Variants in GABRG2 observed in about 807,000 individuals in gnomAD.
The protein encoded by GABRG2 is gamma-aminobutyric acid type A receptor subunit gamma2.
In GABRG2, 16 loss-of-function variants were observed where a neutral mutation model predicts 56.4. That is an observed-to-expected ratio of 0.28 (90% CI 0.19 to 0.43). GABRG2 has a LOEUF of 0.43. Among genes scored for constraint, GABRG2 ranks in the 20% least tolerant of loss-of-function variants. The probability of loss-of-function intolerance (pLI) is 1.00; values close to 1 mark genes in which losing one functional copy is unlikely to be tolerated. For synonymous variants in GABRG2, 208 were observed against 205.5 expected (o/e 1.01, Z -0.10); for missense variants, 327 against 582.7 (o/e 0.56, Z 4.52).
At chr5:162,116,323 C>T (rs1197506625) in intron 6 of GABRG2, among the ~76,000 whole-genome samples, 1 of 150,338 alleles carries the variant, frequency 6.7e-6, no homozygotes, top group Non-Finnish European at 1.5e-5. Flanking sequence ...TATTGGTCAG[C>T]TTAATCTAGA....
At chr5:162,074,689 AC>A (rs1287963364) in intron 1 of GABRG2, among the ~76,000 whole-genome samples, 1 of 152,088 alleles carries the variant, frequency 6.6e-6, no homozygotes, top group Non-Finnish European at 1.5e-5. Flanking sequence ...CACTTGAGAT[AC>A]ATAATTGAGG....
rs1469287853 is a variant in GABRG2 at position 162,142,211 on chromosome 5, G to C, written c.817G>C (p.Gly273Arg). The change falls in exon 7 of 10, where the codon GGA (glycine) becomes CGA (arginine). Residue 273 changes from glycine (G) to arginine (R), a missense_variant. Transcript: ENST00000639213. ...CTACTTTGATCTGAGCAGAAGAATG[G>C]GATACTTTACCATCCAGACCTATAT... is the stretch of plus-strand genomic sequence containing the variant. ...SVYFDLSRRM[G>R]YFTIQTYIPC... 6.2e-7 allele frequency: 1 copy of C among 1,613,840 alleles called. No homozygotes were observed. Among genetic ancestry groups the C allele is most frequent in the African/African-American group, 1.3e-5 (1 of 74,864 alleles).
intron 6 of GABRG2, among the ~76,000 whole-genome samples, chr5:162,115,862 A>C (rs1012536461): frequency 2.6e-5 from 4 of 152,162 alleles, no homozygotes; most frequent in African/African-American, 9.7e-5. Context: ...AATGATAATA[A>C]TGACAATATG....
At chr5:162,092,112 G>A (rs564381390) in intron 1 of GABRG2, among the ~76,000 whole-genome samples, 9 of 152,056 alleles carry the variant, frequency 5.9e-5, no homozygotes, top group Non-Finnish European at 1.2e-4. Context: ...GAGGATTAAA[G>A]CTCTATTAGG....
At position 162,153,630 on chromosome 5, in the gene GABRG2, A is replaced by T. The variant is rs1342253384; in HGVS notation, c.*262A>T. The T allele has an allele frequency of 1.8e-6, 1 of 554,110 alleles. No individual in the cohort carries two copies. Among genetic ancestry groups the T allele is most frequent in the Admixed American group, 3.1e-5 (1 of 32,350 alleles). The allele number at this position is 554,110 out of a possible 1,614,324, so 34.3% of individuals were successfully genotyped here. A position where few individuals can be genotyped will look rare whatever the true frequency, so the allele number is the denominator to read the frequency against. On this transcript the variant is annotated 3_prime_UTR_variant, in exon 10 of 10. Coordinates refer to ENST00000639213, the MANE Select transcript of GABRG2 (RefSeq NM_198904.4). ...AGCAAGAACATTCAAACCAAATAAG[A>T]TATTTTTCAGCTACAGCAAATAAAA...
At chr5:162,100,987 C>G in intron 4 of GABRG2, among the ~76,000 whole-genome samples, 1 of 152,076 alleles carries the variant, frequency 6.6e-6, no homozygotes, top group East Asian at 1.9e-4. Flanking sequence ...CTTAAGTGAT[C>G]ATAAATTTTC....
At chr5:162,100,022 G>A (rs990620264) in intron 4 of GABRG2, 7 of 151,976 alleles carry the variant, frequency 4.6e-5, no homozygotes, top group Non-Finnish European at 8.8e-5. Context: ...TCTTCCCTTT[G>A]AAGAGCATAT....
intron 6 of GABRG2, among the ~76,000 whole-genome samples, chr5:162,109,420 A>ATATATTTATTTATT (rs1424412323): frequency 0.02 from 2,268 of 114,934 alleles, 26 homozygotes; most frequent in Non-Finnish European, 0.023. Context: ...ATATATATAT[A>ATATATTTATTTATT]TATTTATTTA....
At chr5:162,102,345 G>A (rs886507160) in intron 5 of GABRG2, 1 of 372,152 alleles carries the variant, frequency 2.7e-6, no homozygotes, top group African/African-American at 2.1e-5. Flanking sequence ...TACTCCAATT[G>A]GGACTACTTC....
chr5:162,101,328 T>C lies in GABRG2; in HGVS notation c.631+11T>C, dbSNP rs1458126622. 1 of 1,558,570 alleles carries C rather than the reference T, an allele frequency of 6.4e-7. No homozygotes were observed. The highest frequency in any genetic ancestry group is 8.8e-7 in the Non-Finnish European group (1 of 1,130,474). Reference sequence around the variant, plus strand: ...TGGAGTTCTCCAGTTGTAAGTAATATTCCTTCTCCATTTGTATCCTCCCTC... The same window carrying C: ...TGGAGTTCTCCAGTTGTAAGTAATACTCCTTCTCCATTTGTATCCTCCCTC... On this transcript the variant is annotated intron_variant, in intron 5 of 9. Coordinates refer to ENST00000639213, the MANE Select transcript of GABRG2 (RefSeq NM_198904.4).
intron 1 of GABRG2, among the ~76,000 whole-genome samples, chr5:162,081,625 G>T (rs920556677): frequency 6.6e-6 from 1 of 151,962 alleles, no homozygotes; most frequent in Non-Finnish European, 1.5e-5. Context: ...ATTCATCTAA[G>T]TTGTTGATGT....
chr5:162,101,162 T>C (rs1437439207), intron 4 of GABRG2, 73 bp from the exon 5 acceptor site: 1 of 1,010,790 alleles, frequency 9.9e-7, no homozygotes, highest in Non-Finnish European at 1.6e-6. Context: ...AAAACAATCA[T>C]TTAAAATTGT....
intron 1 of GABRG2, among the ~76,000 whole-genome samples, chr5:162,068,643 A>G (rs573893781): frequency 1.3e-5 from 2 of 152,164 alleles, no homozygotes; most frequent in South Asian, 4.2e-4. Flanking sequence ...AGTCCCATTG[A>G]CCCAACAGCC....
At chr5:162,071,238 T>C (rs2113110193) in intron 1 of GABRG2, among the ~76,000 whole-genome samples, 1 of 151,510 alleles carries the variant, frequency 6.6e-6, no homozygotes, top group Non-Finnish European at 1.5e-5. Context: ...ATAAACTTTT[T>C]CAGTGTAATT....
intron 6 of GABRG2, among the ~76,000 whole-genome samples, chr5:162,127,216 C>A (rs1763398236): frequency 6.6e-6 from 1 of 151,870 alleles, no homozygotes; most frequent in Non-Finnish European, 1.5e-5. Context: ...CAGTGGAAAA[C>A]CTATGTGTTT....
chr5:162,092,792 G>T (rs1479917085), intron 1 of GABRG2, among the ~76,000 whole-genome samples: 1 of 151,986 alleles, frequency 6.6e-6, no homozygotes, highest in Admixed American at 6.6e-5. Context: ...TGGGGGCAGG[G>T]GTGGGAAATG....
chr5:162,144,173 G>T (rs1397258582), intron 7 of GABRG2, among the ~76,000 whole-genome samples: 1 of 152,152 alleles, frequency 6.6e-6, no homozygotes, highest in Non-Finnish European at 1.5e-5. Context: ...TGTCAGTCTT[G>T]TACATCTCTA....
intron 6 of GABRG2, among the ~76,000 whole-genome samples, chr5:162,132,078 G>T (rs1445920387): frequency 1.3e-5 from 2 of 151,640 alleles, no homozygotes; most frequent in Admixed American, 1.3e-4. Context: ...AACAGGTATT[G>T]CAAGAACTCT....
chr5:162,090,336 C>A (rs533705920), intron 1 of GABRG2, among the ~76,000 whole-genome samples: 2 of 152,010 alleles, frequency 1.3e-5, no homozygotes, highest in East Asian at 3.9e-4. Context: ...CATACACATA[C>A]ACATACACAT....
Sources: gnomAD v4.1 joint callset for allele counts (sites outside exome capture counted in the v4.1 genomes callset) on GRCh38, gnomAD v4.1.1 for gene constraint, MANE v1.5 for transcripts, NCBI Gene and HGNC (gene_info 2026-07-23, HGNC 2026-07-21) for gene names.